The following MEGF10 variants were observed in gnomAD, a reference collection of about 807,000 sequenced individuals.
MEGF10 encodes multiple EGF like domains 10.
In MEGF10, 86 loss-of-function variants were observed where a neutral mutation model predicts 147.5. The ratio of observed to expected loss-of-function variants is 0.58; its 90% CI spans 0.49 to 0.70. The LOEUF (loss-of-function observed/expected upper bound fraction) is 0.70, where lower values mean the gene tolerates loss of function less well. MEGF10 is among the 30% of genes least tolerant of loss of function. The pLI is 0.00. For missense variants in MEGF10, 1,329 were observed against 1,487.3 expected (o/e 0.89, Z 1.75); for synonymous variants, 478 against 525.5 (o/e 0.91, Z 1.24).
rs560734234 is a variant in MEGF10 at position 127,377,392 on chromosome 5, G to A, written c.412+7390G>A. Among the ~76,000 whole-genome samples, 64 of 152,266 alleles carry A rather than the reference G, an allele frequency of 4.2e-4. No individual in the cohort carries two copies. In the South Asian group the frequency reaches 0.013, roughly 31 times the overall value. On this transcript the variant is annotated intron_variant, in intron 5 of 24. Coordinates refer to ENST00000503335, the MANE Select transcript of MEGF10 (RefSeq NM_001256545.2). The stretch of plus-strand genomic sequence containing the variant: ...TGGTTTTCAAATGCTTGTCCCTCGG[G>A]CTCTTTGCTTTTGACATTAGTACCA...
At chr5:127,416,042 T>G (rs909386013) in intron 9 of MEGF10, among the ~76,000 whole-genome samples, 51 of 149,188 alleles carry the variant, frequency 3.4e-4, no homozygotes, top group African/African-American at 1.2e-3. Context: ...TTTGGTTTTG[T>G]TTTTGAGACG....
chr5:127,326,192 G>A, intron 1 of MEGF10, among the ~76,000 whole-genome samples: 1 of 151,848 alleles, frequency 6.6e-6, no homozygotes, highest in East Asian at 1.9e-4. Flanking sequence ...TAGGATTATG[G>A]GAGTGAGCCA....
the MEGF10 span, chr5:127,229,622 G>C: frequency 6.5e-6 from 1 of 152,794 alleles, no homozygotes; most frequent in Non-Finnish European, 1.5e-5. Flanking sequence ...GCGGCGGGGA[G>C]GCGAGCGCGA....
At chr5:127,385,242 A>G (rs981859830) in intron 5 of MEGF10, among the ~76,000 whole-genome samples, 71 of 152,168 alleles carry the variant, frequency 4.7e-4, no homozygotes, top group African/African-American at 1.7e-3. Flanking sequence ...CCTCATATAA[A>G]TATATATTGT....
the MEGF10 span, among the ~76,000 whole-genome samples, chr5:127,247,467 G>GAAGAAGAAGAAGAAGAAGAAAC: frequency 8.5e-6 from 1 of 117,194 alleles, no homozygotes; most frequent in Non-Finnish European, 1.7e-5. Flanking sequence ...AGAAGAAGAA[G>GAAGAAGAAGAAGAAGAAGAAAC]AAGAAGAAGA....
At chr5:127,385,452 T>A (rs568918256) in intron 5 of MEGF10, among the ~76,000 whole-genome samples, 1 of 152,326 alleles carries the variant, frequency 6.6e-6, no homozygotes, top group East Asian at 1.9e-4. Flanking sequence ...TTTGTATTTT[T>A]AGTAGAGATG....
At chr5:127,263,332 A>G in the MEGF10 span, among the ~76,000 whole-genome samples, 2 of 152,034 alleles carry the variant, frequency 1.3e-5, no homozygotes, top group African/African-American at 2.4e-5. Context: ...ATTATAGATA[A>G]GAAGCTAAAA....
At chr5:127,253,533 C>T in the MEGF10 span, among the ~76,000 whole-genome samples, 1 of 151,998 alleles carries the variant, frequency 6.6e-6, no homozygotes, top group South Asian at 2.1e-4. Context: ...GTTATTTATA[C>T]ATTTATATGA....
At chr5:127,435,535 GT>G in intron 16 of MEGF10, 46 bp downstream of exon 16, 1 of 1,552,892 alleles carries the variant, frequency 6.4e-7, no homozygotes, top group Non-Finnish European at 8.7e-7. Context: ...TTATTTGTTT[GT>G]TTTCAGATTC....
chr5:127,389,900 G>A (rs1580802283), intron 5 of MEGF10, among the ~76,000 whole-genome samples: 1 of 152,094 alleles, frequency 6.6e-6, no homozygotes, highest in Non-Finnish European at 1.5e-5. Context: ...TAACAAACCC[G>A]CACATATACT....
At chr5:127,266,646 A>C in the MEGF10 span, among the ~76,000 whole-genome samples, 2 of 152,110 alleles carry the variant, frequency 1.3e-5, no homozygotes, top group African/African-American at 4.8e-5. Flanking sequence ...CATCCCTTGT[A>C]AGTTGGATTC....
At chr5:127,379,408 GC>G (rs1358767596) in intron 5 of MEGF10, among the ~76,000 whole-genome samples, 1 of 152,066 alleles carries the variant, frequency 6.6e-6, no homozygotes, top group East Asian at 1.9e-4. Context: ...AATCCATCTA[GC>G]CATGCATGAT....
chr5:127,327,704 C>A (rs1250160087), intron 1 of MEGF10, among the ~76,000 whole-genome samples: 1 of 124,126 alleles, frequency 8.1e-6, no homozygotes, highest in African/African-American at 3.4e-5. Flanking sequence ...TTTTTCTTTT[C>A]TTTTCTTTTC....
At chr5:127,376,386 C>T (rs567297532) in intron 5 of MEGF10, among the ~76,000 whole-genome samples, 7 of 152,164 alleles carry the variant, frequency 4.6e-5, no homozygotes, top group African/African-American at 1.7e-4. Context: ...CAACAAGGCA[C>T]CTGAGAAGAC....
intron 4 of MEGF10, among the ~76,000 whole-genome samples, chr5:127,355,148 T>G (rs957215425): frequency 6.6e-6 from 1 of 152,172 alleles, no homozygotes; most frequent in East Asian, 1.9e-4. Flanking sequence ...GAGGTCTGTT[T>G]AGGGGAAAGC....
chr5:127,352,753 C>T (rs1402334406), intron 4 of MEGF10, among the ~76,000 whole-genome samples: 1 of 152,126 alleles, frequency 6.6e-6, no homozygotes, highest in Non-Finnish European at 1.5e-5. Context: ...AGTGAGACTG[C>T]CTTGTTCTTC....
intron 2 of MEGF10, among the ~76,000 whole-genome samples, chr5:127,334,350 G>C (rs1470203901): frequency 6.6e-6 from 1 of 152,092 alleles, no homozygotes; most frequent in African/African-American, 2.4e-5. Context: ...GAACTTGTTA[G>C]AAATACAGAC....
intron 1 of MEGF10, among the ~76,000 whole-genome samples, chr5:127,316,722 T>C (rs768103256): frequency 6.6e-6 from 1 of 152,116 alleles, no homozygotes; most frequent in Admixed American, 6.6e-5. Context: ...ACCAAGAACA[T>C]GTAGAGATGA....
At position 127,341,089 on chromosome 5, in the gene MEGF10, C is replaced by T. The variant is rs536414358; in HGVS notation, c.319+459C>T. Among the ~76,000 whole-genome samples the T allele has an allele frequency of 8.5e-5, 13 of 152,220 alleles. No homozygotes were observed. In the South Asian group the frequency reaches 2.7e-3, roughly 32 times the overall value. On this transcript the variant is annotated intron_variant, in intron 4 of 24. Coordinates refer to ENST00000503335, the MANE Select transcript of MEGF10 (RefSeq NM_001256545.2). ...GAGGAGTTTTCACATTAAAAAATGA[C>T]AATAAGTCTGCATCACAAAATAGAA...
Sources: gnomAD v4.1 joint callset for allele counts (sites outside exome capture counted in the v4.1 genomes callset) on GRCh38, gnomAD v4.1.1 for gene constraint, MANE v1.5 for transcripts, NCBI Gene and HGNC (gene_info 2026-07-23, HGNC 2026-07-21) for gene names.